Variants in NXPE4 observed in about 807,000 individuals in gnomAD.
The protein encoded by NXPE4 is neurexophilin and PC-esterase domain family member 4.
In NXPE4, 42 loss-of-function variants were observed where a neutral mutation model predicts 33.3. The observed-to-expected ratio is 1.26, with a 90% confidence interval of 0.98 to 1.63. The LOEUF (loss-of-function observed/expected upper bound fraction) is 1.63. Among genes scored for constraint, NXPE4 ranks in the 40% most tolerant of loss-of-function variants. The probability of loss-of-function intolerance (pLI) is 0.00; values close to 1 mark genes in which losing one functional copy is unlikely to be tolerated. For synonymous variants in NXPE4, 253 were observed against 234.9 expected, an observed-to-expected ratio of 1.08 and a Z score of -0.71; for missense variants, 709 against 647.6, an observed-to-expected ratio of 1.09 and a Z score of -1.03.
At chr11:114,627,742 AAG>A in the NXPE4 span, among the ~76,000 whole-genome samples, 1 of 152,192 alleles carries the variant, frequency 6.6e-6, no homozygotes, top group African/African-American at 2.4e-5. Flanking sequence ...TTAAAGAGTC[AAG>A]ACCCATCAGT....
At chr11:114,639,826 ATATAT>A in the NXPE4 span, among the ~76,000 whole-genome samples, 30 of 89,796 alleles carry the variant, frequency 3.3e-4, no homozygotes, top group East Asian at 1.7e-3. Flanking sequence ...AAAATATAAT[ATATAT>A]TATATTAAAT....
chr11:114,651,599 TACTGATTGGTCCATTTTACAGAGC>T, the NXPE4 span, among the ~76,000 whole-genome samples: 1 of 152,218 alleles, frequency 6.6e-6, no homozygotes, highest in Non-Finnish European at 1.5e-5. Flanking sequence ...GCCCACATCC[TACTGATTGGTCCATTTTACAGAGC>T]ACTGATTGGC....
chr11:114,651,948 G>C, the NXPE4 span, among the ~76,000 whole-genome samples: 1 of 152,134 alleles, frequency 6.6e-6, no homozygotes, highest in Non-Finnish European at 1.5e-5. Context: ...AAATTATTAG[G>C]GTGCTGTTAG....
chr11:114,597,731 G>T (rs1043404848), upstream of NXPE4, among the ~76,000 whole-genome samples: 3 of 151,998 alleles, frequency 2.0e-5, no homozygotes, highest in African/African-American at 7.2e-5. Context: ...GCTAGGAAAT[G>T]CCTTTTAAAA....
chr11:114,629,818 C>G, the NXPE4 span, among the ~76,000 whole-genome samples: 64 of 150,720 alleles, frequency 4.2e-4, no homozygotes, highest in Admixed American at 1.0e-3. Context: ...GCAACTTCAG[C>G]AAAGTCTCAG....
At chr11:114,607,736 A>C in the NXPE4 span, among the ~76,000 whole-genome samples, 3,926 of 143,694 alleles carry the variant, frequency 0.027, 175 homozygotes, top group African/African-American at 0.095. Flanking sequence ...GGGTAACCAC[A>C]GTTGCCCGGT....
At chr11:114,625,270 T>C in the NXPE4 span, among the ~76,000 whole-genome samples, 30 of 152,116 alleles carry the variant, frequency 2.0e-4, no homozygotes, top group African/African-American at 7.0e-4. Context: ...CAGTGGGTAA[T>C]ACGAGTTGCC....
the NXPE4 span, among the ~76,000 whole-genome samples, chr11:114,667,306 A>G: frequency 6.6e-6 from 1 of 152,192 alleles, no homozygotes; most frequent in Non-Finnish European, 1.5e-5. Context: ...AATGTTTTTA[A>G]TAAACATAAT....
At chr11:114,636,975 A>T in the NXPE4 span, among the ~76,000 whole-genome samples, 1 of 152,152 alleles carries the variant, frequency 6.6e-6, no homozygotes, top group Non-Finnish European at 1.5e-5. Context: ...GATGTCTATT[A>T]GGTCCACTTG....
At chr11:114,648,980 A>G in the NXPE4 span, among the ~76,000 whole-genome samples, 5 of 152,336 alleles carry the variant, frequency 3.3e-5, no homozygotes, top group African/African-American at 1.2e-4. Context: ...TACACACAAT[A>G]CAAATATATT....
chr11:114,596,100 C>T (rs1026779666), upstream of NXPE4, among the ~76,000 whole-genome samples: 4 of 152,256 alleles, frequency 2.6e-5, no homozygotes, highest in South Asian at 8.3e-4. Flanking sequence ...TTCTAGTTTC[C>T]ATCTAGCGTT....
the NXPE4 span, among the ~76,000 whole-genome samples, chr11:114,636,431 T>C: frequency 6.6e-6 from 1 of 152,098 alleles, no homozygotes; most frequent in African/African-American, 2.4e-5. Flanking sequence ...ATTCGTTAAT[T>C]GTTTGAAGGG....
the NXPE4 span, among the ~76,000 whole-genome samples, chr11:114,638,625 T>C: frequency 6.6e-6 from 1 of 152,064 alleles, no homozygotes; most frequent in Non-Finnish European, 1.5e-5. Flanking sequence ...ATGATGGTGA[T>C]GTACAGATAG....
chr11:114,625,583 A>C, the NXPE4 span, among the ~76,000 whole-genome samples: 1 of 152,174 alleles, frequency 6.6e-6, no homozygotes, highest in Non-Finnish European at 1.5e-5. Context: ...CCTCGTGGGT[A>C]ACCACTGTTA....
At chr11:114,630,173 T>A in the NXPE4 span, among the ~76,000 whole-genome samples, 1 of 151,728 alleles carries the variant, frequency 6.6e-6, no homozygotes, top group African/African-American at 2.4e-5. Context: ...AAAAAACTAC[T>A]TTAAAGTTCA....
the NXPE4 span, among the ~76,000 whole-genome samples, chr11:114,648,947 A>C: frequency 2.6e-5 from 1 of 38,276 alleles, no homozygotes; most frequent in African/African-American, 4.7e-5. Flanking sequence ...ATAAGAGGAA[A>C]CAAAAAAATA....
At chr11:114,625,639 G>A in the NXPE4 span, among the ~76,000 whole-genome samples, 93 of 152,242 alleles carry the variant, frequency 6.1e-4, 1 homozygote, top group Admixed American at 5.0e-3. Context: ...GCTGTTACCC[G>A]GTGGATAATA....
the NXPE4 span, among the ~76,000 whole-genome samples, chr11:114,630,454 A>G: frequency 1.6e-4 from 24 of 151,828 alleles, 2 homozygotes; most frequent in African/African-American, 5.8e-4. Flanking sequence ...TGGTGCTGGG[A>G]AAACTGGCTA....
chr11:114,597,523 T>C (rs541879054), upstream of NXPE4, among the ~76,000 whole-genome samples: 1 of 152,344 alleles, frequency 6.6e-6, no homozygotes, highest in Admixed American at 6.5e-5. Context: ...TGCATTTTTA[T>C]GCATACATGG....
Sources: allele counts gnomAD v4.1 joint callset (sites outside exome capture counted in the v4.1 genomes callset), GRCh38; gene constraint gnomAD v4.1.1; transcripts MANE v1.5; gene names NCBI Gene and HGNC (gene_info 2026-07-23, HGNC 2026-07-21).